Variants in FSD1L observed in about 807,000 individuals in gnomAD.
FSD1L encodes FSD1-like protein.
In FSD1L, 45 loss-of-function variants were observed where a neutral mutation model predicts 71.6. That is an observed-to-expected ratio of 0.63 (90% CI 0.49 to 0.81). The LOEUF (loss-of-function observed/expected upper bound fraction) is 0.81. FSD1L is among the 30% of genes least tolerant of loss of function. The pLI, the probability that FSD1L is intolerant of heterozygous loss-of-function variation, is 0.00. For synonymous variants in FSD1L, 197 were observed against 207.2 expected, an observed-to-expected ratio of 0.95 and a Z score of 0.42; for missense variants, 561 against 618.1, an observed-to-expected ratio of 0.91 and a Z score of 0.98.
chr9:105,481,344 G>A (rs1385723007), intron 6 of FSD1L, among the ~76,000 whole-genome samples: 1 of 151,088 alleles, frequency 6.6e-6, no homozygotes, highest in African/African-American at 2.4e-5. Flanking sequence ...GAGTGCAGTG[G>A]TGCAATCTTG....
chr9:105,528,648 TTAAAGA>T (rs1375171873), intron 10 of FSD1L, among the ~76,000 whole-genome samples: 5 of 152,246 alleles, frequency 3.3e-5, no homozygotes, highest in Admixed American at 3.3e-4. Context: ...GATTAAAGAC[TTAAAGA>T]TAAGACCTAA....
Position 105,448,251 on chromosome 9 carries a change from G to A in FSD1L, c.15+16G>A. The A allele has an allele frequency of 1.3e-6, 2 of 1,534,742 alleles. No individual in the cohort carries two copies. Among genetic ancestry groups the A allele is most frequent in the Non-Finnish European group, 1.8e-6 (2 of 1,138,994 alleles). On this transcript the variant is annotated intron_variant, in intron 1 of 13. Coordinates refer to ENST00000481272, the MANE Select transcript of FSD1L (RefSeq NM_001145313.3). ...CTCCCAGAAAGTAAGCGGGGGAGGGGAGCCCGGGGCTACCGAGACAAGCCG... is the reference window on the plus strand; with the variant it reads ...CTCCCAGAAAGTAAGCGGGGGAGGGAAGCCCGGGGCTACCGAGACAAGCCG...
chr9:105,476,893 T>C (rs1397148332), intron 5 of FSD1L, among the ~76,000 whole-genome samples: 1 of 152,220 alleles, frequency 6.6e-6, no homozygotes, highest in Non-Finnish European at 1.5e-5. Context: ...TAAACCTCTC[T>C]TGCATTTATA....
At chr9:105,452,691 C>CTTCA (rs1564073467) in intron 1 of FSD1L, among the ~76,000 whole-genome samples, 3 of 147,442 alleles carry the variant, frequency 2.0e-5, no homozygotes, top group Admixed American at 6.7e-5. Flanking sequence ...TCCTTCCTTC[C>CTTCA]TTCCTTCCTT....
intron 7 of FSD1L, among the ~76,000 whole-genome samples, chr9:105,499,754 A>G (rs1194220821): frequency 6.6e-6 from 1 of 150,474 alleles, no homozygotes; most frequent in African/African-American, 2.4e-5. Flanking sequence ...CTCAGTCATT[A>G]TTGTTTCAAA....
intron 1 of FSD1L, among the ~76,000 whole-genome samples, chr9:105,452,254 TCC>T (rs1371135276): frequency 6.6e-6 from 1 of 152,210 alleles, no homozygotes; most frequent in Non-Finnish European, 1.5e-5. Flanking sequence ...AACCAACTGT[TCC>T]ATGTTCCAAA....
intron 12 of FSD1L, among the ~76,000 whole-genome samples, chr9:105,536,971 T>C (rs1230773090): frequency 6.6e-6 from 1 of 152,200 alleles, no homozygotes; most frequent in Non-Finnish European, 1.5e-5. Context: ...CAATGTTATA[T>C]GTAATGCAAA....
At chr9:105,488,154 C>T (rs746738884) in intron 7 of FSD1L, among the ~76,000 whole-genome samples, 17 of 152,078 alleles carry the variant, frequency 1.1e-4, no homozygotes, top group Admixed American at 2.0e-4. Flanking sequence ...TTTCACTGCC[C>T]GAAAAATCCG....
chr9:105,527,204 A>G (rs1351609499), intron 10 of FSD1L, among the ~76,000 whole-genome samples: 1 of 144,016 alleles, frequency 6.9e-6, no homozygotes, highest in Non-Finnish European at 1.5e-5. Context: ...GTATTTTTCT[A>G]ATGTTTTGCA....
intron 7 of FSD1L, among the ~76,000 whole-genome samples, chr9:105,502,420 G>A (rs1412256877): frequency 6.6e-6 from 1 of 151,986 alleles, no homozygotes; most frequent in Admixed American, 6.6e-5. Flanking sequence ...CTCATACTTG[G>A]AGAATTTACG....
intron 7 of FSD1L, among the ~76,000 whole-genome samples, chr9:105,503,159 A>C (rs932618784): frequency 3.9e-5 from 6 of 152,146 alleles, no homozygotes; most frequent in Non-Finnish European, 7.4e-5. Flanking sequence ...AAGTACTAGG[A>C]TTACAGGCAT....
At chr9:105,471,515 T>C (rs1459069706) in intron 4 of FSD1L, among the ~76,000 whole-genome samples, 1 of 152,114 alleles carries the variant, frequency 6.6e-6, no homozygotes, top group Admixed American at 6.6e-5. Flanking sequence ...AAATACTTCC[T>C]ACTTGTCCCA....
rs377045516 is a variant in FSD1L, at chr9:105,478,666, T to TA, written c.442-678dup. On this transcript the variant is annotated intron_variant, in intron 5 of 13. Coordinates refer to ENST00000481272, the MANE Select transcript of FSD1L (RefSeq NM_001145313.3). ...TTCCCTTTCTAAACTTGTGCTTGCATAAAAAAAAAAGACAAAAGAGATACC... is the reference window on the plus strand; with the variant it reads ...TTCCCTTTCTAAACTTGTGCTTGCATAAAAAAAAAAAGACAAAAGAGATACC... 5.3e-3 allele frequency among the ~76,000 whole-genome samples: 785 copies of TA among 147,226 alleles called. 8 individuals carry two copies. The highest frequency in any genetic ancestry group is 0.017 in the Middle Eastern group (5 of 286).
chr9:105,497,280 G>A (rs1398923434), intron 7 of FSD1L, among the ~76,000 whole-genome samples: 1 of 151,944 alleles, frequency 6.6e-6, no homozygotes, highest in African/African-American at 2.4e-5. Flanking sequence ...ATTTTGTTGA[G>A]GATTTTTCAC....
In FSD1L at chr9:105,531,508, A is replaced by G. The variant is rs116482717; in HGVS notation, c.1026-2985A>G. Among the ~76,000 whole-genome samples, 922 of 152,332 alleles carry G rather than the reference A, an allele frequency of 6.1e-3. 14 individuals carry two copies. Among genetic ancestry groups the G allele is most frequent in the African/African-American group, 0.021 (878 of 41,576 alleles). ...GGGGCTTAAAGTGAAGTTAGATATA[A>G]TGAAGAGCTAGTGTTCTCAGGTTAT... On this transcript the variant is annotated intron_variant, in intron 10 of 13. Coordinates refer to ENST00000481272, the MANE Select transcript of FSD1L (RefSeq NM_001145313.3).
At chr9:105,455,432 CTA>C (rs1830301338) in intron 1 of FSD1L, among the ~76,000 whole-genome samples, 1 of 152,146 alleles carries the variant, frequency 6.6e-6, no homozygotes, top group South Asian at 2.1e-4. Context: ...AAGGACAGGT[CTA>C]TGTGTGGGAT....
intron 1 of FSD1L, among the ~76,000 whole-genome samples, chr9:105,457,190 A>T (rs2131586698): frequency 6.6e-6 from 1 of 152,354 alleles, no homozygotes; most frequent in South Asian, 2.1e-4. Context: ...GGTTATAGGT[A>T]GAGAAACTGA....
rs137921265 is a variant in FSD1L at position 105,504,078 on chromosome 9, A to G, written c.587-2321A>G. Among the ~76,000 whole-genome samples, 849 of 152,334 alleles carry G rather than the reference A, an allele frequency of 5.6e-3. 10 individuals carry two copies. The highest frequency in any genetic ancestry group is 0.02 in the African/African-American group (823 of 41,576). On this transcript the variant is annotated intron_variant, in intron 7 of 13. Transcript: ENST00000481272. ...TTTATACCAACCTCTCAGGACTTTC[A>G]GTTGCAGATTTATGACTCAGCAAAA...
chr9:105,523,827 A>G (rs1835336320), intron 10 of FSD1L: 1 of 1,598,902 alleles, frequency 6.3e-7, no homozygotes, highest in South Asian at 1.1e-5. Flanking sequence ...CAATACAATC[A>G]TCAAACACTG....
Sources: gnomAD v4.1 joint callset for allele counts (sites outside exome capture counted in the v4.1 genomes callset) on GRCh38, gnomAD v4.1.1 for gene constraint, MANE v1.5 for transcripts, NCBI Gene and HGNC (gene_info 2026-07-23, HGNC 2026-07-21) for gene names.